Variants in PPFIBP2 observed in about 807,000 individuals in gnomAD.
The protein encoded by PPFIBP2 is PPFIB scaffold protein 2.
Under a neutral mutation model 118.3 loss-of-function variants are expected in PPFIBP2, and 118 were observed. The ratio of observed to expected loss-of-function variants is 1.00; its 90% CI spans 0.86 to 1.16. PPFIBP2 has a LOEUF of 1.16. Ranked by LOEUF, PPFIBP2 falls within the 50% of genes most tolerant of loss-of-function variation. The pLI is 0.00. For synonymous variants in PPFIBP2, 414 were observed against 397.4 expected (o/e 1.04, Z -0.50); for missense variants, 1,195 against 1,073.1 (o/e 1.11, Z -1.59).
chr11:7,597,250 A>G, intron 4 of PPFIBP2: 8 of 1,533,296 alleles, frequency 5.2e-6, no homozygotes, highest in Non-Finnish European at 7.0e-6. Flanking sequence ...TGGAAGAGGA[A>G]TAAGGAGCAG....
chr11:7,605,523 A>G lies in PPFIBP2; in HGVS notation c.487-4768A>G, dbSNP rs185449183. 4.6e-5 allele frequency among the ~76,000 whole-genome samples: 7 copies of G among 152,324 alleles called. No homozygotes were observed. The East Asian group carries it at 7.7e-4, about 17-fold the overall frequency. On this transcript the variant is annotated intron_variant, in intron 5 of 23. Coordinates refer to ENST00000299492, the MANE Select transcript of PPFIBP2 (RefSeq NM_003621.5). ...CATCATTAATTGCCTTTCACTAGCA[A>G]TTTTTAAGCTGTGGAGAGTGGAATC...
intron 17 of PPFIBP2, among the ~76,000 whole-genome samples, chr11:7,646,753 C>T (rs1448514102): frequency 6.6e-6 from 1 of 152,130 alleles, no homozygotes; most frequent in Non-Finnish European, 1.5e-5. Flanking sequence ...AACACCCTGT[C>T]TCTAAAATAA....
chr11:7,543,348 T>C (rs980385899), intron 1 of PPFIBP2, among the ~76,000 whole-genome samples: 1 of 149,992 alleles, frequency 6.7e-6, no homozygotes, highest in Non-Finnish European at 1.5e-5. Flanking sequence ...TTCTTTATCA[T>C]CTGTTTGCCA....
chr11:7,631,166 G>A (rs1328394846), intron 11 of PPFIBP2, 138 bp downstream of exon 11: 5 of 665,030 alleles, frequency 7.5e-6, no homozygotes, highest in Non-Finnish European at 1.3e-5. Context: ...GTGCCCCTCA[G>A]GCTGTGATGG....
intron 1 of PPFIBP2, among the ~76,000 whole-genome samples, chr11:7,527,649 A>T (rs529267456): frequency 1.7e-4 from 26 of 152,220 alleles, no homozygotes; most frequent in Admixed American, 5.9e-4. Flanking sequence ...TCAGAGAAAG[A>T]TGTTGGGGGG....
At chr11:7,576,519 C>G (rs1856341455) in intron 3 of PPFIBP2, 1 of 152,398 alleles carries the variant, frequency 6.6e-6, no homozygotes, top group Non-Finnish European at 1.5e-5. Flanking sequence ...AGCTCCAGGT[C>G]TCCGCCAGCC....
intron 17 of PPFIBP2, among the ~76,000 whole-genome samples, chr11:7,645,439 C>G (rs1169438415): frequency 1.3e-5 from 2 of 152,196 alleles, no homozygotes; most frequent in Non-Finnish European, 2.9e-5. Context: ...TGAGAAATCT[C>G]AGCTACATCA....
chr11:7,531,094 A>G lies in PPFIBP2; in HGVS notation c.-37+16973A>G, dbSNP rs147302116. On this transcript the variant is annotated intron_variant, in intron 1 of 23. Coordinates refer to ENST00000299492, the MANE Select transcript of PPFIBP2 (RefSeq NM_003621.5). Reference sequence around the variant, plus strand: ...TGGGCCTGCAGGGAAGGGGCTACCTAGTACAGTGTCATTCTCCAGCAGGCC... The same window carrying G: ...TGGGCCTGCAGGGAAGGGGCTACCTGGTACAGTGTCATTCTCCAGCAGGCC... Among the ~76,000 whole-genome samples, 6 of 152,248 alleles carry G rather than the reference A, an allele frequency of 3.9e-5. No homozygotes were observed. The South Asian group carries it at 6.2e-4, about 16-fold the overall frequency.
intron 1 of PPFIBP2, among the ~76,000 whole-genome samples, chr11:7,522,796 A>G (rs1272356934): frequency 1.3e-5 from 2 of 152,178 alleles, no homozygotes; most frequent in African/African-American, 4.8e-5. Context: ...GATGGGAGAT[A>G]TGAAGTACTT....
chr11:7,529,213 C>T (rs1850473680), intron 1 of PPFIBP2, among the ~76,000 whole-genome samples: 1 of 152,168 alleles, frequency 6.6e-6, no homozygotes, highest in Admixed American at 6.5e-5. Context: ...ACTGTGAGAA[C>T]CCGTTAAAGG....
At position 7,546,068 on chromosome 11, in the gene PPFIBP2, G is replaced by T. The variant is rs146805442; in HGVS notation, c.-36-3372G>T. The stretch of plus-strand genomic sequence containing the variant: ...CGCGTGGAAGTGCTGCTGGGTAGCA[G>T]CCCTGGAGAGGCTATGGAAGCTCCA... On this transcript the variant is annotated intron_variant, in intron 1 of 23. Coordinates refer to ENST00000299492, the MANE Select transcript of PPFIBP2 (RefSeq NM_003621.5). Among the ~76,000 whole-genome samples the T allele has an allele frequency of 4.6e-3, 701 of 152,304 alleles. 6 individuals are homozygous for T. Among genetic ancestry groups the T allele is most frequent in the African/African-American group, 0.016 (672 of 41,568 alleles).
chr11:7,564,661 C>T (rs1854746052), intron 2 of PPFIBP2, among the ~76,000 whole-genome samples: 2 of 152,170 alleles, frequency 1.3e-5, no homozygotes, highest in Admixed American at 6.5e-5. Flanking sequence ...CTCCCTGTTC[C>T]ACTTGGTGTC....
At chr11:7,640,327 C>G (rs909161273) in intron 15 of PPFIBP2, among the ~76,000 whole-genome samples, 35 of 152,188 alleles carry the variant, frequency 2.3e-4, no homozygotes, top group African/African-American at 8.4e-4. Context: ...GGGTATCATG[C>G]ACTCCAAGTG....
rs1848624084 is a variant in PPFIBP2 at position 7,616,194 on chromosome 11, T to A, written c.619-4741T>A. ...CAGTTATGTTCTTAAAAAGAAAAAA[T>A]GGACTTGATTCCATGGATGCCTCTG... is the stretch of plus-strand genomic sequence containing the variant. On this transcript the variant is annotated intron_variant, in intron 6 of 23. Transcript: ENST00000299492. The surrounding 1 kb of genome is among the most constrained non-coding windows in gnomAD (Gnocchi z 5.2). Among the ~76,000 whole-genome samples the A allele has an allele frequency of 6.6e-6, 1 of 151,910 alleles. No homozygotes were observed. The highest frequency in any genetic ancestry group is 1.5e-5 in the Non-Finnish European group (1 of 67,968).
chr11:7,518,972 C>T (rs919805575), intron 1 of PPFIBP2, among the ~76,000 whole-genome samples: 4 of 151,872 alleles, frequency 2.6e-5, no homozygotes, highest in African/African-American at 7.3e-5. Context: ...CAGATAGGGG[C>T]GTAAGGTGGC....
intron 1 of PPFIBP2, among the ~76,000 whole-genome samples, chr11:7,518,850 G>A (rs937785656): frequency 5.3e-5 from 8 of 152,264 alleles, no homozygotes; most frequent in Non-Finnish European, 1.2e-4. Flanking sequence ...TGGGGCATGA[G>A]CCAAAGATGG....
downstream of PPFIBP2, among the ~76,000 whole-genome samples, chr11:7,659,033 C>G (rs1301738862): frequency 3.7e-4 from 49 of 132,532 alleles, no homozygotes; most frequent in South Asian, 0.012. Flanking sequence ...ATTGTAGATT[C>G]TGGATATTAG....
chr11:7,592,891 G>C (rs1220795193), intron 3 of PPFIBP2, among the ~76,000 whole-genome samples: 1 of 152,216 alleles, frequency 6.6e-6, no homozygotes, highest in Non-Finnish European at 1.5e-5. Flanking sequence ...TCCTGGCCAG[G>C]AGTGAGGTCA....
chr11:7,665,122 A>G, the PPFIBP2 span: 4 of 356,664 alleles, frequency 1.1e-5, no homozygotes, highest in Non-Finnish European at 2.0e-5. Context: ...ACTTGAGTTT[A>G]TTTCACAAAA....
Sources: gnomAD v4.1 joint callset for allele counts (sites outside exome capture counted in the v4.1 genomes callset) on GRCh38, gnomAD v4.1.1 for gene constraint, Gnocchi (gnomAD v3.1) non-coding constraint, MANE v1.5 for transcripts, NCBI Gene and HGNC (gene_info 2026-07-23, HGNC 2026-07-21) for gene names.